Variants in CILK1 observed in about 807,000 individuals in gnomAD.
CILK1 encodes ciliogenesis associated kinase 1.
A neutral mutation model predicts 79.2 loss-of-function variants in CILK1; 47 were observed. That is an observed-to-expected ratio of 0.59 (90% CI 0.47 to 0.76). The LOEUF (loss-of-function observed/expected upper bound fraction) is 0.76. CILK1 is among the 30% of genes least tolerant of loss of function. The pLI is 0.00. For missense variants in CILK1, 660 were observed against 769.5 expected, an observed-to-expected ratio of 0.86 and a Z score of 1.68; for synonymous variants, 266 against 275.9, an observed-to-expected ratio of 0.96 and a Z score of 0.36.
intron 5 of CILK1, among the ~76,000 whole-genome samples, chr6:53,019,824 GTTT>G (rs1340946657): frequency 7.5e-6 from 1 of 132,980 alleles, no homozygotes; most frequent in African/African-American, 2.9e-5. Flanking sequence ...TGCCTGGCTA[GTTT>G]TTTTGTTTTT....
chr6:53,011,702 GA>G, intron 11 of CILK1, 66 bp downstream of exon 11: 1 of 1,454,170 alleles, frequency 6.9e-7, no homozygotes, highest in South Asian at 1.1e-5. Flanking sequence ...GAACCTTTGT[GA>G]ATATGTGATT....
At chr6:53,040,375 G>A (rs553699150) in intron 2 of CILK1, among the ~76,000 whole-genome samples, 1 of 152,334 alleles carries the variant, frequency 6.6e-6, no homozygotes, top group East Asian at 1.9e-4. Context: ...GAAGCAAATT[G>A]CCATGTTGTA....
intron 6 of CILK1, 86 bp from the exon 7 acceptor site, chr6:53,018,587 G>C: frequency 7.6e-7 from 1 of 1,311,908 alleles, no homozygotes; most frequent in Non-Finnish European, 1.1e-6. Context: ...GTGAGGGGGT[G>C]TATATGTTCC....
intron 1 of CILK1, chr6:53,054,520 C>G (rs1443256360): frequency 2.0e-5 from 3 of 152,184 alleles, no homozygotes; most frequent in African/African-American, 7.2e-5. Flanking sequence ...AACTGTTGGG[C>G]CCAACTAAAA....
At chr6:53,058,219 C>T (rs981285712) in intron 1 of CILK1, among the ~76,000 whole-genome samples, 2 of 152,146 alleles carry the variant, frequency 1.3e-5, no homozygotes, top group South Asian at 4.1e-4. Context: ...TAATATTGGA[C>T]AGCAGTTAAC....
rs182798803 is a variant in CILK1 at position 53,047,182 on chromosome 6, G to A, written c.-172-5774C>T. 5.3e-5 allele frequency among the ~76,000 whole-genome samples: 8 copies of A among 152,316 alleles called. No homozygotes were observed. In the East Asian group the frequency reaches 7.7e-4, roughly 15 times the overall value. ...CTAATGTGCAACCAGGGCTGGGTACGAGGCTAGAGCGTAAAACCAATTCAA... is the reference window on the plus strand; with the variant it reads ...CTAATGTGCAACCAGGGCTGGGTACAAGGCTAGAGCGTAAAACCAATTCAA... On this transcript the variant is annotated intron_variant, in intron 1 of 13. Coordinates refer to ENST00000676107, the MANE Select transcript of CILK1 (RefSeq NM_014920.5).
At chr6:53,018,768 A>G (rs975903013) in intron 6 of CILK1, among the ~76,000 whole-genome samples, 7 of 152,244 alleles carry the variant, frequency 4.6e-5, no homozygotes, top group African/African-American at 1.7e-4. Flanking sequence ...AGTAAGAATT[A>G]GGAAAAAAGA....
At chr6:53,031,573 C>T (rs222455) in intron 4 of CILK1, among the ~76,000 whole-genome samples, 106,484 of 152,048 alleles carry the variant, frequency 0.7, 37,863 homozygotes, top group East Asian at 0.87. Flanking sequence ...AAAAAATGTG[C>T]CCAAGAGGCT....
At chr6:53,042,155 G>C (rs1289608691) in intron 1 of CILK1, among the ~76,000 whole-genome samples, 1 of 152,180 alleles carries the variant, frequency 6.6e-6, no homozygotes, top group African/African-American at 2.4e-5. Context: ...TTAGTGTATT[G>C]ACTATGTTGC....
At chr6:53,036,636 G>A (rs921745984) in intron 3 of CILK1, among the ~76,000 whole-genome samples, 3 of 151,972 alleles carry the variant, frequency 2.0e-5, no homozygotes, top group Non-Finnish European at 4.4e-5. Context: ...GGCTGGTCTC[G>A]AACTCCTGAC....
At chr6:53,021,212 C>T (rs1765216030) in intron 5 of CILK1, among the ~76,000 whole-genome samples, 1 of 152,076 alleles carries the variant, frequency 6.6e-6, no homozygotes, top group Non-Finnish European at 1.5e-5. Flanking sequence ...GTAATTCCAG[C>T]TACTCGGGAG....
rs1764129394 is a variant in CILK1 at position 53,004,915 on chromosome 6, T to C, written c.*234A>G. 6.8e-6 allele frequency: 3 copies of C among 443,244 alleles called. No individual in the cohort carries two copies. In the Admixed American group the frequency reaches 1.1e-4, roughly 17 times the overall value. The allele number at this position is 443,244 out of a possible 1,614,324, so 27.5% of individuals were successfully genotyped here. ...AAAATGCTGTTGTTTAAGAAAATAA[T>C]GGGACCCAGTTTTAGAATAAAATAA... On this transcript the variant is annotated 3_prime_UTR_variant, in exon 14 of 14. Coordinates refer to ENST00000676107, the MANE Select transcript of CILK1 (RefSeq NM_014920.5).
intron 1 of CILK1, among the ~76,000 whole-genome samples, chr6:53,047,687 C>T (rs1767188264): frequency 6.6e-6 from 1 of 151,768 alleles, no homozygotes; most frequent in Admixed American, 6.6e-5. Context: ...GAATAAAATC[C>T]CTCTGGAGAC....
intron 5 of CILK1, among the ~76,000 whole-genome samples, chr6:53,023,504 G>A (rs1391563062): frequency 6.6e-6 from 1 of 152,160 alleles, no homozygotes; most frequent in Non-Finnish European, 1.5e-5. Flanking sequence ...AACTGAGAGA[G>A]AACAATGACC....
chr6:53,037,251 C>A (rs1766402756), intron 3 of CILK1, among the ~76,000 whole-genome samples: 1 of 151,818 alleles, frequency 6.6e-6, no homozygotes, highest in East Asian at 1.9e-4. Flanking sequence ...GGAACAAAAT[C>A]AATAGAAGAA....
intron 4 of CILK1, among the ~76,000 whole-genome samples, chr6:53,031,562 C>CA (rs1765964145): frequency 2.6e-5 from 4 of 152,132 alleles, no homozygotes; most frequent in Admixed American, 2.6e-4. Context: ...CATTTTGCCA[C>CA]AAAAAATGTG....
chr6:53,009,701 G>T, intron 11 of CILK1, 134 bp from the exon 12 acceptor site: 1 of 751,206 alleles, frequency 1.3e-6, no homozygotes, highest in Non-Finnish European at 2.2e-6. Context: ...AAAACTGACT[G>T]TGATGATGTC....
chr6:53,036,156 A>C (rs544728185), intron 3 of CILK1, among the ~76,000 whole-genome samples: 1 of 152,200 alleles, frequency 6.6e-6, no homozygotes, highest in Non-Finnish European at 1.5e-5. Flanking sequence ...TCTCTTTTGC[A>C]TTAGAACTAA....
At chr6:53,012,874 C>A (rs1454454334) in intron 9 of CILK1, among the ~76,000 whole-genome samples, 4 of 152,100 alleles carry the variant, frequency 2.6e-5, no homozygotes, top group African/African-American at 9.7e-5. Context: ...GACAGCACTG[C>A]AAAGCTAATA....
Sources: gnomAD v4.1 joint callset for allele counts (sites outside exome capture counted in the v4.1 genomes callset) on GRCh38, gnomAD v4.1.1 for gene constraint, MANE v1.5 for transcripts, NCBI Gene and HGNC (gene_info 2026-07-23, HGNC 2026-07-21) for gene names.